The following CRYBG1 variants were observed in gnomAD, a reference collection of about 807,000 sequenced individuals.
The protein encoded by CRYBG1 is beta/gamma crystallin domain-containing protein 1.
In CRYBG1, 139 loss-of-function variants were observed where a neutral mutation model predicts 189.2. That is an observed-to-expected ratio of 0.73 (90% CI 0.64 to 0.85). CRYBG1 has a LOEUF of 0.85. CRYBG1 is among the 40% of genes least tolerant of loss of function. CRYBG1 has a pLI of 0.00. For synonymous variants in CRYBG1, 1,023 were observed against 1,017.1 expected, an observed-to-expected ratio of 1.01 and a Z score of -0.11; for missense variants, 2,611 against 2,675.8, an observed-to-expected ratio of 0.98 and a Z score of 0.53.
chr6:106,391,837 C>T (rs559343312), intron 1 of CRYBG1, among the ~76,000 whole-genome samples: 2 of 152,184 alleles, frequency 1.3e-5, no homozygotes, highest in South Asian at 2.1e-4. Flanking sequence ...ACACTTGCTT[C>T]GTTCTTGCGC....
chr6:106,492,369 T>G (rs377346885), intron 2 of CRYBG1, among the ~76,000 whole-genome samples: 43 of 152,334 alleles, frequency 2.8e-4, no homozygotes, highest in African/African-American at 1.0e-3. Context: ...TTTCAAGTAC[T>G]TATAAAGTAA....
At chr6:106,553,372 T>A in intron 15 of CRYBG1, 83 bp from the exon 16 acceptor site, 1 of 871,840 alleles carries the variant, frequency 1.1e-6, no homozygotes, top group Non-Finnish European at 1.9e-6. Flanking sequence ...CAGCAGGTCA[T>A]GTTTAGGTCA....
intron 8 of CRYBG1, among the ~76,000 whole-genome samples, chr6:106,538,959 C>T (rs1025510721): frequency 1.3e-5 from 2 of 151,788 alleles, no homozygotes; most frequent in African/African-American, 4.8e-5. Flanking sequence ...GCCTTTCATA[C>T]TTATAGCTGT....
intron 1 of CRYBG1, among the ~76,000 whole-genome samples, chr6:106,367,192 T>G (rs1772017555): frequency 1.3e-5 from 2 of 152,238 alleles, no homozygotes; most frequent in Admixed American, 1.3e-4. Flanking sequence ...CATCACAATC[T>G]ACTCTCCATA....
chr6:106,370,225 T>C (rs1177499221), intron 1 of CRYBG1, among the ~76,000 whole-genome samples: 1 of 152,214 alleles, frequency 6.6e-6, no homozygotes, highest in East Asian at 1.9e-4. Context: ...AAGTATCATG[T>C]GTAGATTCTG....
intron 7 of CRYBG1, 24 bp from the exon 8 acceptor site, chr6:106,530,152 A>G: frequency 6.3e-7 from 1 of 1,593,252 alleles, no homozygotes; most frequent in Non-Finnish European, 8.6e-7. Flanking sequence ...AATTCTTACT[A>G]TCTATGCATC....
chr6:106,511,744 C>T lies in CRYBG1; in HGVS notation c.627C>T (p.Ala209=), dbSNP rs962594076. ...ESGGPAAPPD[A]ELSPRWSSSA... ...GTGGCCCCGCAGCCCCCCCTGACGC[C>T]GAGCTGTCACCTCGCTGGAGCAGCA... The change falls in exon 3 of 22, where the codon GCC becomes GCT. Residue 209 remains alanine (A), a synonymous_variant. Transcript: ENST00000633556. The T allele has an allele frequency of 2.6e-6, 4 of 1,535,206 alleles. No homozygotes were observed. The African/African-American group carries it at 5.5e-5, about 21-fold the overall frequency.
At chr6:106,515,894 G>A (rs1275788136) in intron 3 of CRYBG1, among the ~76,000 whole-genome samples, 1 of 151,464 alleles carries the variant, frequency 6.6e-6, no homozygotes, top group East Asian at 1.9e-4. Flanking sequence ...CCCCGGCTCA[G>A]GTGATCCTCC....
chr6:106,362,277 T>G (rs1771893018), intron 1 of CRYBG1, among the ~76,000 whole-genome samples: 1 of 152,098 alleles, frequency 6.6e-6, no homozygotes, highest in Non-Finnish European at 1.5e-5. Context: ...CCTCTCCTTT[T>G]ATTTGTAAAA....
At chr6:106,515,535 G>A (rs1215153141) in intron 3 of CRYBG1, among the ~76,000 whole-genome samples, 1 of 152,100 alleles carries the variant, frequency 6.6e-6, no homozygotes, top group African/African-American at 2.4e-5. Flanking sequence ...TTTTTAAAAA[G>A]TATATTCTCT....
chr6:106,448,150 T>G (rs1478896944), intron 1 of CRYBG1, among the ~76,000 whole-genome samples: 2 of 152,150 alleles, frequency 1.3e-5, no homozygotes, highest in African/African-American at 4.8e-5. Context: ...AGCCCACACA[T>G]CCTGTGACCT....
chr6:106,525,900 T>G (rs1468701507), intron 6 of CRYBG1, among the ~76,000 whole-genome samples: 3 of 152,226 alleles, frequency 2.0e-5, no homozygotes, highest in Admixed American at 2.0e-4. Flanking sequence ...GACAGTTCAA[T>G]GCAGCACTAA....
intron 1 of CRYBG1, among the ~76,000 whole-genome samples, chr6:106,370,787 C>T (rs1770008897): frequency 1.3e-5 from 2 of 152,102 alleles, no homozygotes; most frequent in African/African-American, 2.4e-5. Context: ...TCACTCCTGG[C>T]CTGTACCCAC....
intron 2 of CRYBG1, among the ~76,000 whole-genome samples, chr6:106,458,565 AT>A (rs1450429701): frequency 2.0e-5 from 3 of 152,052 alleles, no homozygotes; most frequent in African/African-American, 4.8e-5. Flanking sequence ...TTATTTATAA[AT>A]TTTTTTTCAT....
chr6:106,561,030 G>A, intron 19 of CRYBG1, 104 bp downstream of exon 19: 2 of 1,287,904 alleles, frequency 1.6e-6, no homozygotes, highest in African/African-American at 3.0e-5. Context: ...TTTATAACTG[G>A]CCTCACCCTA....
intron 1 of CRYBG1, among the ~76,000 whole-genome samples, chr6:106,398,255 C>T (rs1770650520): frequency 6.6e-6 from 1 of 152,016 alleles, no homozygotes; most frequent in African/African-American, 2.4e-5. Context: ...TGGCTCACGC[C>T]TGTAATCCCA....
At chr6:106,430,192 A>C (rs1771299233) in intron 1 of CRYBG1, among the ~76,000 whole-genome samples, 1 of 152,172 alleles carries the variant, frequency 6.6e-6, no homozygotes, top group African/African-American at 2.4e-5. Context: ...GCACTTTGGG[A>C]GGCCAAGGCA....
In CRYBG1 at chr6:106,547,544, TGGA is replaced by T. The variant is rs574334063; in HGVS notation, c.5312+2618_5312+2620del. ...GGAAGGCTGAGATGAGCCAAGATGA[TGGA>T]GGAGGACTACCTATTCACTTTAAAT... On this transcript the variant is annotated intron_variant, in intron 13 of 21. Coordinates refer to ENST00000633556, the MANE Select transcript of CRYBG1 (RefSeq NM_001371242.2). Among the ~76,000 whole-genome samples the T allele has an allele frequency of 1.9e-4, 29 of 152,258 alleles. 2 individuals carry two copies. The South Asian group carries it at 5.8e-3, about 30-fold the overall frequency.
At chr6:106,557,800 CAA>C (rs1271061467) in intron 17 of CRYBG1, among the ~76,000 whole-genome samples, 1 of 152,172 alleles carries the variant, frequency 6.6e-6, no homozygotes, top group Non-Finnish European at 1.5e-5. Flanking sequence ...AATGTAGAAT[CAA>C]AAGTGTCTAT....
Sources: gnomAD v4.1 joint callset for allele counts (sites outside exome capture counted in the v4.1 genomes callset) on GRCh38, gnomAD v4.1.1 for gene constraint, MANE v1.5 for transcripts, NCBI Gene and HGNC (gene_info 2026-07-23, HGNC 2026-07-21) for gene names.